MED13L: variants seen among roughly 807,000 people sequenced by gnomAD.
The protein encoded by MED13L is mediator of RNA polymerase II transcription subunit 13-like.
Under a neutral mutation model 220.9 loss-of-function variants are expected in MED13L, and 7 were observed. The ratio of observed to expected loss-of-function variants is 0.03; its 90% confidence interval spans 0.02 to 0.06. MED13L has a LOEUF of 0.06. Among genes scored for constraint, MED13L ranks in the 10% least tolerant of loss-of-function variants. The pLI is 1.00. For synonymous variants in MED13L, 1,011 were observed against 1,015.2 expected (o/e 1.00, Z 0.08); for missense variants, 1,965 against 2,760.5 (o/e 0.71, Z 6.46).
At position 115,959,859 on chromosome 12, in the gene MED13L, G is replaced by A. The variant is rs1875650559; in HGVS notation, c.*1407C>T. On this transcript the variant is annotated 3_prime_UTR_variant, in exon 31 of 31. Transcript: ENST00000281928. Reference sequence around the variant, plus strand: ...CCTTTTTTGTTAATAACCAGGACATGGAAGTCTCTTGGAAGAACTTTTAAA... The same window carrying A: ...CCTTTTTTGTTAATAACCAGGACATAGAAGTCTCTTGGAAGAACTTTTAAA... The A allele has an allele frequency of 6.6e-6, 1 of 152,422 alleles. No homozygotes were observed. Among genetic ancestry groups the A allele is most frequent in the South Asian group, 2.1e-4 (1 of 4,820 alleles). 9.4% of individuals were successfully genotyped at this position (152,422 alleles called of 1,614,324 possible). A position where few individuals can be genotyped will look rare whatever the true frequency, so the allele number is the denominator to read the frequency against.
rs146803417 is a variant in MED13L, at chr12:115,968,920, G to A, written c.6225+20C>T. On this transcript the variant is annotated intron_variant, in intron 28 of 30. Coordinates refer to ENST00000281928, the MANE Select transcript of MED13L (RefSeq NM_015335.5). ...AAAGGCTATGGTTGTCTTAAACAAC[G>A]TACTCCAAATCATCCTTACCCGACT... 2.0e-4 allele frequency: 324 copies of A among 1,613,574 alleles called. 1 individual carries two copies. The African/African-American group carries it at 3.8e-3, about 19-fold the overall frequency.
chr12:116,005,060 C>T (rs1188623978), intron 13 of MED13L, among the ~76,000 whole-genome samples: 1 of 152,172 alleles, frequency 6.6e-6, no homozygotes, highest in East Asian at 1.9e-4. Flanking sequence ...ACCTCAATGA[C>T]TAGCCTTAGT....
intron 3 of MED13L, among the ~76,000 whole-genome samples, chr12:116,101,851 A>T (rs1451154172): frequency 6.6e-6 from 1 of 152,226 alleles, no homozygotes; most frequent in Non-Finnish European, 1.5e-5. Flanking sequence ...AACTGTTTCA[A>T]ATCAATATCA....
intron 3 of MED13L, among the ~76,000 whole-genome samples, chr12:116,103,236 A>T (rs1873242654): frequency 6.6e-6 from 1 of 151,740 alleles, no homozygotes; most frequent in Non-Finnish European, 1.5e-5. Context: ...TTCTCCAACT[A>T]CCAAATAAAA....
chr12:116,200,700 C>T (rs1881956810), intron 2 of MED13L, among the ~76,000 whole-genome samples: 1 of 152,164 alleles, frequency 6.6e-6, no homozygotes. Flanking sequence ...AAGCACACTT[C>T]AAAGACTTCA....
At chr12:115,964,447 T>G (rs1875999339) in intron 29 of MED13L, among the ~76,000 whole-genome samples, 1 of 152,214 alleles carries the variant, frequency 6.6e-6, no homozygotes, top group African/African-American at 2.4e-5. Context: ...ACATCCATCA[T>G]AAAGTTCCTC....
chr12:116,276,351 T>TGTGC (rs1355498268), intron 1 of MED13L: 47 of 676,716 alleles, frequency 6.9e-5, no homozygotes, highest in East Asian at 4.8e-4. Flanking sequence ...TGTGTGTGTG[T>TGTGC]GCGGATTCGT....
intron 1 of MED13L, among the ~76,000 whole-genome samples, chr12:116,246,952 GGA>G (rs1011917820): frequency 4.0e-5 from 6 of 149,380 alleles, no homozygotes; most frequent in African/African-American, 1.2e-4. Flanking sequence ...AGGGAGGGAG[GGA>G]GAGAGGAAAT....
chr12:116,077,881 T>A (rs1013732783), intron 4 of MED13L, among the ~76,000 whole-genome samples: 1 of 152,176 alleles, frequency 6.6e-6, no homozygotes, highest in East Asian at 1.9e-4. Flanking sequence ...GGCCGGGCAC[T>A]GTGGCTCACG....
At chr12:116,276,401 G>A (rs1432641822) in intron 1 of MED13L, 6 of 1,279,700 alleles carry the variant, frequency 4.7e-6, no homozygotes, top group African/African-American at 3.1e-5. Flanking sequence ...AGACACAGGA[G>A]GAGAGAAAGA....
chr12:116,233,783 A>C (rs1330371050), intron 2 of MED13L, among the ~76,000 whole-genome samples: 1 of 152,204 alleles, frequency 6.6e-6, no homozygotes, highest in Non-Finnish European at 1.5e-5. Context: ...TTCAAACCCA[A>C]GCAACCCAGA....
At position 115,983,140 on chromosome 12, in the gene MED13L, C is replaced by G. The variant is rs746956983; in HGVS notation, c.4932G>C (p.Gln1644His). The G allele has an allele frequency of 8.7e-6, 14 of 1,613,918 alleles. No homozygotes were observed. In the African/African-American group the frequency reaches 1.7e-4, roughly 20 times the overall value. Residue 1644 changes from glutamine to histidine, a missense_variant, in exon 21 of 31, where the codon CAG becomes CAC. Gln to His is a conservative substitution (Grantham distance 24). Coordinates refer to ENST00000281928, the MANE Select transcript of MED13L (RefSeq NM_015335.5). ...ACCTCTCTTGTCCATCCTGTGAGGG[C>G]TGAGAAGAGCTCTGCCCAGGGTCAG... is the stretch of plus-strand genomic sequence containing the variant. ...GDTDPGQSSS[Q>H]PSQDGQESVT...
chr12:116,266,099 T>C (rs1289220377), intron 1 of MED13L, among the ~76,000 whole-genome samples: 1 of 152,238 alleles, frequency 6.6e-6, no homozygotes, highest in African/African-American at 2.4e-5. Context: ...TATTCCAAAA[T>C]ACATGTCTCA....
At chr12:116,061,567 T>C (rs1246273299) in intron 4 of MED13L, among the ~76,000 whole-genome samples, 1 of 152,144 alleles carries the variant, frequency 6.6e-6, no homozygotes, top group Non-Finnish European at 1.5e-5. Context: ...CAGGACATGA[T>C]AGTTACTAAA....
At chr12:116,237,769 T>C in intron 1 of MED13L, 64 bp from the exon 2 acceptor site, 3 of 1,365,756 alleles carry the variant, frequency 2.2e-6, no homozygotes, top group Non-Finnish European at 3.1e-6. Flanking sequence ...AAAAACAGTC[T>C]TCCATACAGA....
Position 116,061,202 on chromosome 12 carries a change from C to G in MED13L, c.479+35467G>C, listed in dbSNP as rs189630144. On this transcript the variant is annotated intron_variant, in intron 4 of 30. Transcript: ENST00000281928. ...CAAGATTTAACTTTCTTTTTTAAGT[C>G]ATGAGACTCGTTTATTTTCACAGCT... Among the ~76,000 whole-genome samples, 97 of 152,170 alleles carry G rather than the reference C, an allele frequency of 6.4e-4. No homozygotes were observed. In the East Asian group the frequency reaches 0.017, roughly 26 times the overall value.
intron 4 of MED13L, among the ~76,000 whole-genome samples, chr12:116,093,818 T>C (rs951360298): frequency 2.6e-5 from 4 of 152,128 alleles, no homozygotes; most frequent in African/African-American, 9.7e-5. Flanking sequence ...TCCTCTCCAT[T>C]AGCCACTAAA....
intron 22 of MED13L, 200 bp downstream of exon 22, chr12:115,982,184 G>T (rs558501342): frequency 3.0e-5 from 18 of 593,602 alleles, no homozygotes; most frequent in Admixed American, 1.2e-4. Context: ...TTAGACTTGG[G>T]CCCACTGCAA....
intron 4 of MED13L, among the ~76,000 whole-genome samples, chr12:116,066,261 T>G (rs902792489): frequency 5.9e-5 from 9 of 152,334 alleles, no homozygotes; most frequent in African/African-American, 1.9e-4. Context: ...CATTAATATT[T>G]TTCAATGAGG....
Sources: allele counts gnomAD v4.1 joint callset (sites outside exome capture counted in the v4.1 genomes callset), GRCh38; gene constraint gnomAD v4.1.1; transcripts MANE v1.5; gene names NCBI Gene and HGNC (gene_info 2026-07-23, HGNC 2026-07-21).